The following TBC1D30 variants were observed in gnomAD, a reference collection of about 807,000 sequenced individuals.
TBC1D30 encodes TBC1 domain family member 30.
A neutral mutation model predicts 63.2 loss-of-function variants in TBC1D30; 31 were observed. The observed-to-expected ratio is 0.49, with a 90% CI of 0.37 to 0.66. TBC1D30 has a LOEUF of 0.66. Among genes scored for constraint, TBC1D30 ranks in the 30% least tolerant of loss-of-function variants. TBC1D30 has a pLI of 0.00. For synonymous variants in TBC1D30, 307 were observed against 361.5 expected (o/e 0.85, Z 1.71); for missense variants, 810 against 953.6 (o/e 0.85, Z 1.98).
rs960373293 is a variant in TBC1D30, at chr12:64,836,645, CA to C, written c.753del (p.Glu252LysfsTer20). ...HLDTLQRTAN[K>X]ESGGGYEPPL... Reference sequence around the variant, plus strand: ...TGGATACTCTTCAGAGAACTGCAAACAAAGAAAGTGGAGGTAGGTTTCAATG... The same window carrying C: ...TGGATACTCTTCAGAGAACTGCAAACAAGAAAGTGGAGGTAGGTTTCAATG... On this transcript the variant is annotated frameshift_variant, in exon 6 of 12. Coordinates refer to ENST00000539867, the MANE Select transcript of TBC1D30 (RefSeq NM_015279.2). LOFTEE classifies it high-confidence loss of function. The C allele has an allele frequency of 6.5e-7, 1 of 1,533,782 alleles. No individual in the cohort carries two copies. Among genetic ancestry groups the C allele is most frequent in the African/African-American group, 1.4e-5 (1 of 72,962 alleles).
At chr12:64,854,299 C>G (rs1877116040) in intron 8 of TBC1D30, among the ~76,000 whole-genome samples, 1 of 151,912 alleles carries the variant, frequency 6.6e-6, no homozygotes. Context: ...TATCTTAAAC[C>G]TATTATTTTA....
intron 2 of TBC1D30, among the ~76,000 whole-genome samples, chr12:64,788,156 T>C (rs1329652644): frequency 6.6e-6 from 1 of 151,984 alleles, no homozygotes; most frequent in Admixed American, 6.6e-5. Flanking sequence ...CAAGCACTTG[T>C]CTGACATAGC....
chr12:64,844,505 T>A (rs199552664), intron 8 of TBC1D30, among the ~76,000 whole-genome samples: 66 of 149,062 alleles, frequency 4.4e-4, no homozygotes, highest in East Asian at 1.0e-3. Context: ...CCCAAATGTT[T>A]ATCCTTTGTG....
chr12:64,786,717 G>A (rs1871609914), intron 2 of TBC1D30, among the ~76,000 whole-genome samples: 1 of 151,988 alleles, frequency 6.6e-6, no homozygotes, highest in Non-Finnish European at 1.5e-5. Context: ...TTTGGAGGCC[G>A]AGGCTGGTGG....
intron 1 of TBC1D30, among the ~76,000 whole-genome samples, chr12:64,773,281 C>A (rs542764971): frequency 5.3e-5 from 8 of 152,112 alleles, no homozygotes; most frequent in South Asian, 2.1e-4. Context: ...GACCTCTCAA[C>A]TGGGGCCTCC....
Position 64,836,640 on chromosome 12 carries a change from G to T in TBC1D30, c.745G>T (p.Ala249Ser). The T allele has an allele frequency of 6.5e-7, 1 of 1,533,998 alleles. No homozygotes were observed. Among genetic ancestry groups the T allele is most frequent in the Non-Finnish European group, 8.7e-7 (1 of 1,145,526 alleles). Residue 249 changes from alanine (A) to serine (S), a missense_variant, in exon 6 of 12, where the codon GCA (alanine) becomes TCA (serine). This residue lies in a region of TBC1D30 where 272 missense variants were observed against 335.9 expected (regional missense o/e 0.81). Coordinates refer to ENST00000539867, the MANE Select transcript of TBC1D30 (RefSeq NM_015279.2). ...GCACCTGGATACTCTTCAGAGAACT[G>T]CAAACAAAGAAAGTGGAGGTAGGTT... ...SQHLDTLQRTANKESGGGYEP... is the reference protein window; with the variant it reads ...SQHLDTLQRTSNKESGGGYEP...
chr12:64,770,193 A>G (rs954835731), intron 1 of TBC1D30, among the ~76,000 whole-genome samples: 3 of 152,228 alleles, frequency 2.0e-5, no homozygotes, highest in Non-Finnish European at 4.4e-5. Flanking sequence ...GCCATGTTGC[A>G]GAAGTTTTCA....
At chr12:64,862,768 G>A (rs1006431875) in intron 8 of TBC1D30, among the ~76,000 whole-genome samples, 4 of 152,118 alleles carry the variant, frequency 2.6e-5, no homozygotes, top group Admixed American at 6.5e-5. Flanking sequence ...AAGGACATGG[G>A]TTTCTTAAAT....
intron 10 of TBC1D30, chr12:64,868,665 G>C: frequency 3.3e-6 from 1 of 301,272 alleles, no homozygotes; most frequent in Non-Finnish European, 6.3e-6. Flanking sequence ...TGGCATAGCA[G>C]GAACCTTCTT....
chr12:64,811,556 C>A (rs1452301750), intron 2 of TBC1D30, among the ~76,000 whole-genome samples: 2 of 152,186 alleles, frequency 1.3e-5, no homozygotes, highest in Non-Finnish European at 2.9e-5. Context: ...TGGGTTGATG[C>A]AGAAAGGAGT....
At chr12:64,872,447 T>C (rs1213629277) in intron 11 of TBC1D30, among the ~76,000 whole-genome samples, 3 of 152,236 alleles carry the variant, frequency 2.0e-5, no homozygotes, top group Admixed American at 6.5e-5. Flanking sequence ...AAAAGTTTGC[T>C]GACCCCTTCT....
rs116116888 is a variant in TBC1D30, at chr12:64,793,823, C to G, written c.643+7778C>G. Among the ~76,000 whole-genome samples, 1,312 of 152,358 alleles carry G rather than the reference C, an allele frequency of 8.6e-3. 18 individuals carry two copies. Among genetic ancestry groups the G allele is most frequent in the African/African-American group, 0.03 (1,248 of 41,592 alleles). ...TGATTGAGCCACGCTGCTCCACTCC[C>G]TACTGGCTGGGCTCCATCTGCATGC... On this transcript the variant is annotated intron_variant, in intron 2 of 12. Transcript: ENST00000542120.
intron 8 of TBC1D30, among the ~76,000 whole-genome samples, chr12:64,857,808 T>G (rs1332211727): frequency 1.3e-5 from 2 of 152,228 alleles, no homozygotes; most frequent in Non-Finnish European, 2.9e-5. Flanking sequence ...TAGGTCTGGT[T>G]CAAATGCCCC....
At chr12:64,788,257 A>G (rs914085726) in intron 2 of TBC1D30, among the ~76,000 whole-genome samples, 1 of 151,354 alleles carries the variant, frequency 6.6e-6, no homozygotes, top group African/African-American at 2.4e-5. Context: ...GGTGGCATGT[A>G]TTATAAGTAT....
At position 64,877,044 on chromosome 12, in the gene TBC1D30, C is replaced by T. The variant is rs776413842; in HGVS notation, c.*1256C>T. The stretch of plus-strand genomic sequence containing the variant: ...TATTGGCTACATAGCGTGTAAAAAC[C>T]AAGACTGGGAAGCCATTCACTAAAA... On this transcript the variant is annotated 3_prime_UTR_variant, in exon 12 of 12. Coordinates refer to ENST00000539867, the MANE Select transcript of TBC1D30 (RefSeq NM_015279.2). 6 of 375,442 alleles carry T rather than the reference C, an allele frequency of 1.6e-5. No individual in the cohort carries two copies. Among genetic ancestry groups the T allele is most frequent in the African/African-American group, 8.4e-5 (4 of 47,898 alleles). The allele number at this position is 375,442 out of a possible 1,614,324, so 23.3% of individuals were successfully genotyped here. A position where few individuals can be genotyped will look rare whatever the true frequency, so the allele number is the denominator to read the frequency against.
In TBC1D30 at chr12:64,864,729, C is replaced by A. The variant is rs747881898; in HGVS notation, c.1100C>A (p.Thr367Asn). The A allele has an allele frequency of 1.6e-5, 24 of 1,536,132 alleles. No homozygotes were observed. The highest frequency in any genetic ancestry group is 1.4e-4 in the Admixed American group (7 of 50,982). Reference protein sequence around the residue: ...PQLAELREKYTYNITPFPATV... With the variant: ...PQLAELREKYNYNITPFPATV... Reference sequence around the variant, plus strand: ...TTGGCAGAGTTGAGGGAAAAATACACCTACAACATTACACCGTTCCCAGCC... The same window carrying A: ...TTGGCAGAGTTGAGGGAAAAATACAACTACAACATTACACCGTTCCCAGCC... The change falls in exon 9 of 12, where the codon ACC (threonine) becomes AAC (asparagine). Residue 367 changes from threonine to asparagine, a missense_variant. By Grantham distance (65) the Thr-to-Asn change is moderately conservative (BLOSUM62 0). Transcript: ENST00000539867.
intron 5 of TBC1D30, among the ~76,000 whole-genome samples, chr12:64,834,771 TTG>T (rs1479991237): frequency 1.3e-5 from 2 of 149,690 alleles, no homozygotes; most frequent in African/African-American, 4.9e-5. Flanking sequence ...GGTGGGTGGT[TTG>T]AGTGAGCTGG....
chr12:64,782,065 C>G (rs1020897358), intron 1 of TBC1D30, among the ~76,000 whole-genome samples: 1 of 150,852 alleles, frequency 6.6e-6, no homozygotes, highest in African/African-American at 2.4e-5. Flanking sequence ...GTCTTGAGCT[C>G]GTGTCACACT....
intron 3 of TBC1D30, 22 bp from the exon 4 acceptor site, chr12:64,830,355 C>A: frequency 6.6e-7 from 1 of 1,504,388 alleles, no homozygotes; most frequent in African/African-American, 1.4e-5. Flanking sequence ...TGGCATTCTC[C>A]TTTGTCTATG....
Sources: gnomAD v4.1 joint callset for allele counts (sites outside exome capture counted in the v4.1 genomes callset) on GRCh38, gnomAD v4.1.1 for gene constraint, gnomAD v4.1.1 regional missense constraint, MANE v1.5 for transcripts, NCBI Gene and HGNC (gene_info 2026-07-23, HGNC 2026-07-21) for gene names.